FBXW8: variants seen among roughly 807,000 people sequenced by gnomAD.
The protein encoded by FBXW8 is F-box and WD repeat domain containing 8, also known as F-box/WD repeat-containing protein 8.
FBXW8 carries 57 observed loss-of-function variants against 65.3 expected under a neutral mutation model. That is an observed-to-expected ratio of 0.87 (90% CI 0.71 to 1.09). FBXW8 has a LOEUF of 1.09. Among genes scored for constraint, FBXW8 ranks in the 50% least tolerant of loss-of-function variants. The pLI is 0.00. For missense variants in FBXW8, 777 were observed against 814.8 expected (o/e 0.95, Z 0.57); for synonymous variants, 308 against 330.2 (o/e 0.93, Z 0.73).
At chr12:117,001,305 T>TC (rs1953514707) in intron 7 of FBXW8, among the ~76,000 whole-genome samples, 1 of 152,158 alleles carries the variant, frequency 6.6e-6, no homozygotes, top group Admixed American at 6.5e-5. Flanking sequence ...CTTCCCAGTC[T>TC]CCCCCTGGGG....
At chr12:116,922,022 G>GTC (rs1880953341) in intron 1 of FBXW8, among the ~76,000 whole-genome samples, 1 of 151,804 alleles carries the variant, frequency 6.6e-6, no homozygotes, top group South Asian at 2.1e-4. Context: ...TAGAGACAGT[G>GTC]TCTCACTATG....
chr12:117,018,549 T>C (rs940278414), intron 8 of FBXW8, among the ~76,000 whole-genome samples: 1 of 152,254 alleles, frequency 6.6e-6, no homozygotes, highest in African/African-American at 2.4e-5. Flanking sequence ...TTCATGTGAA[T>C]CTGAATGGCT....
At chr12:116,911,460 G>T in intron 1 of FBXW8, 105 bp downstream of exon 1, 1 of 764,214 alleles carries the variant, frequency 1.3e-6, no homozygotes, top group Non-Finnish European at 1.8e-6. Flanking sequence ...CTAGTTGCCC[G>T]AGAAAATGAG....
chr12:116,978,924 A>G (rs1405576541), intron 5 of FBXW8: 7 of 152,214 alleles, frequency 4.6e-5, no homozygotes, highest in African/African-American at 1.4e-4. Flanking sequence ...TTATGACTCC[A>G]CCGGGACAGT....
At chr12:117,006,352 G>GTTAATCCA (rs1254545115) in intron 7 of FBXW8, among the ~76,000 whole-genome samples, 1 of 152,218 alleles carries the variant, frequency 6.6e-6, no homozygotes, top group Non-Finnish European at 1.5e-5. Flanking sequence ...AGCTTGCAGT[G>GTTAATCCA]TTAATCCATT....
intron 5 of FBXW8, among the ~76,000 whole-genome samples, chr12:116,976,639 T>A (rs150882047): frequency 7.1e-6 from 1 of 140,686 alleles, no homozygotes; most frequent in African/African-American, 2.8e-5. Context: ...TTTTTTTTTG[T>A]ATTTTTATTA....
intron 2 of FBXW8, among the ~76,000 whole-genome samples, chr12:116,934,499 T>C (rs1882018740): frequency 6.6e-6 from 1 of 152,234 alleles, no homozygotes; most frequent in Admixed American, 6.5e-5. Context: ...TCGATAACAA[T>C]GATACAGTTG....
At chr12:116,916,209 C>A (rs1880393521) in intron 1 of FBXW8, among the ~76,000 whole-genome samples, 1 of 152,084 alleles carries the variant, frequency 6.6e-6, no homozygotes, top group African/African-American at 2.4e-5. Flanking sequence ...CACATTTTTC[C>A]TGAGTATTCA....
intron 2 of FBXW8, among the ~76,000 whole-genome samples, chr12:116,937,412 C>T (rs941759872): frequency 2.0e-5 from 3 of 152,102 alleles, no homozygotes; most frequent in Admixed American, 6.5e-5. Context: ...GATTAGAGGC[C>T]GTGGACATGA....
At chr12:116,922,814 T>G (rs185670083) in intron 1 of FBXW8, among the ~76,000 whole-genome samples, 1,617 of 152,114 alleles carry the variant, frequency 0.011, 33 homozygotes, top group African/African-American at 0.037. Flanking sequence ...GTGTGTGTGT[T>G]TTTTTTCCCT....
At chr12:116,953,915 A>T (rs1448751715) in intron 4 of FBXW8, among the ~76,000 whole-genome samples, 1 of 152,152 alleles carries the variant, frequency 6.6e-6, no homozygotes, top group African/African-American at 2.4e-5. Flanking sequence ...GGAGTTCAAG[A>T]CCAGCCTGGC....
chr12:117,002,655 G>A (rs1423361810), intron 7 of FBXW8: 4 of 152,204 alleles, frequency 2.6e-5, no homozygotes, highest in Non-Finnish European at 5.9e-5. Context: ...TTACAAAATA[G>A]TCTCTCTGGC....
intron 9 of FBXW8, 84 bp from the exon 10 acceptor site, chr12:117,027,310 T>G: frequency 1.0e-6 from 1 of 999,460 alleles, no homozygotes; most frequent in South Asian, 1.3e-5. Context: ...TAGAATCCCC[T>G]GCAGCTCTGA....
At chr12:116,984,120 G>A (rs1885506212) in intron 5 of FBXW8, among the ~76,000 whole-genome samples, 9 of 152,158 alleles carry the variant, frequency 5.9e-5, no homozygotes. Flanking sequence ...AATCTTCGAA[G>A]GGAAGGAAAT....
At chr12:116,958,408 G>A (rs1265460337) in intron 4 of FBXW8, among the ~76,000 whole-genome samples, 1 of 152,208 alleles carries the variant, frequency 6.6e-6, no homozygotes, top group Admixed American at 6.5e-5. Flanking sequence ...TTAAGGGCAC[G>A]AATGTTTCTT....
At chr12:116,997,507 A>G (rs1360923965) in intron 7 of FBXW8, among the ~76,000 whole-genome samples, 1 of 152,156 alleles carries the variant, frequency 6.6e-6, no homozygotes, top group East Asian at 1.9e-4. Flanking sequence ...AATACCCGAG[A>G]AAGGTAATGT....
At position 116,988,695 on chromosome 12, in the gene FBXW8, A is replaced by T; in HGVS notation, c.1065A>T (p.Arg355Ser). The T allele has an allele frequency of 6.2e-7, 1 of 1,614,154 alleles. No individual in the cohort carries two copies. The highest frequency in any genetic ancestry group is 1.1e-5 in the South Asian group (1 of 91,074). Residue 355 changes from arginine (R) to serine (S), a missense_variant, in exon 7 of 11, where the codon AGA becomes AGT. Transcript: ENST00000652555. ...ACCTTGAAATAGTTCCAGAAACCAG[A>T]AGGTACCCTGTGGCAGTAGCCGCTG... The part of the protein sequence containing the change: ...VQYLEIVPET[R>S]RYPVAVAAAG...
At chr12:116,912,171 G>GTTTTTTTTTT (rs57142470) in intron 1 of FBXW8, among the ~76,000 whole-genome samples, 1 of 131,020 alleles carries the variant, frequency 7.6e-6, no homozygotes, top group Admixed American at 8.1e-5. Flanking sequence ...TTTTTTTCCT[G>GTTTTTTTTTT]TTTTTTTTTT....
chr12:117,011,127 CTTTTTTT>C (rs397946872), intron 8 of FBXW8, among the ~76,000 whole-genome samples: 1 of 122,176 alleles, frequency 8.2e-6, no homozygotes, highest in South Asian at 2.7e-4. Flanking sequence ...TTTTCTTTTC[CTTTTTTT>C]TTTTTTTTGG....
Sources: gnomAD v4.1 joint callset for allele counts (sites outside exome capture counted in the v4.1 genomes callset) on GRCh38, gnomAD v4.1.1 for gene constraint, MANE v1.5 for transcripts, NCBI Gene and HGNC (gene_info 2026-07-23, HGNC 2026-07-21) for gene names.